EMSY: variants seen among roughly 807,000 people sequenced by gnomAD.
EMSY encodes BRCA2-interacting transcriptional repressor EMSY.
Under a neutral mutation model 134.6 loss-of-function variants are expected in EMSY, and 26 were observed. The observed-to-expected ratio is 0.19, with a 90% CI of 0.14 to 0.27. The LOEUF is 0.27. Ranked by LOEUF, EMSY falls within the 10% of genes least tolerant of loss-of-function variation. The probability of loss-of-function intolerance (pLI) is 1.00; values close to 1 mark genes in which losing one functional copy is unlikely to be tolerated. For missense variants in EMSY, 1,305 were observed against 1,611.4 expected, an observed-to-expected ratio of 0.81 and a Z score of 3.26; for synonymous variants, 579 against 577.8, an observed-to-expected ratio of 1.00 and a Z score of -0.03.
chr11:76,464,985 T>C (rs1948291235), intron 7 of EMSY, among the ~76,000 whole-genome samples: 1 of 152,222 alleles, frequency 6.6e-6, no homozygotes, highest in Non-Finnish European at 1.5e-5. Context: ...CAGATACTGT[T>C]TTTCTCTTTA....
chr11:76,550,168 T>C (rs1951796883), exon 21 of EMSY: 1 of 1,536,602 alleles, frequency 6.5e-7, no homozygotes, highest in African/African-American at 1.4e-5. Context: ...AATAGTGCAC[T>C]TTAAAACCTG....
At chr11:76,454,790 G>C in intron 4 of EMSY, 3 of 1,462,896 alleles carry the variant, frequency 2.1e-6, no homozygotes, top group Non-Finnish European at 2.8e-6. Context: ...CCAAGTTACA[G>C]GTATGCAAAT....
At chr11:76,457,394 G>A (rs902048339) in intron 4 of EMSY, among the ~76,000 whole-genome samples, 17 of 152,156 alleles carry the variant, frequency 1.1e-4, no homozygotes, top group Non-Finnish European at 7.4e-5. Flanking sequence ...ATACAACTAC[G>A]TTTTGATATT....
chr11:76,499,825 G>A (rs1035705441), intron 9 of EMSY, among the ~76,000 whole-genome samples: 8 of 151,950 alleles, frequency 5.3e-5, no homozygotes, highest in African/African-American at 1.9e-4. Context: ...CAGTATACAT[G>A]TGTTGGCCAT....
At chr11:76,525,605 A>G (rs554711837) in intron 12 of EMSY, among the ~76,000 whole-genome samples, 149 of 152,186 alleles carry the variant, frequency 9.8e-4, no homozygotes, top group Non-Finnish European at 1.8e-3. Flanking sequence ...AGTTAAGTTC[A>G]TGTAAAAAGA....
chr11:76,496,105 CTT>C (rs1949643789), intron 8 of EMSY, 108 bp from the exon 10 acceptor site: 1 of 1,222,778 alleles, frequency 8.2e-7, no homozygotes, highest in Non-Finnish European at 1.1e-6. Context: ...ATAAATTGTA[CTT>C]TTTGTTGATT....
At chr11:76,517,503 G>GT (rs1950489502) in intron 11 of EMSY, among the ~76,000 whole-genome samples, 1 of 152,240 alleles carries the variant, frequency 6.6e-6, no homozygotes, top group Admixed American at 6.5e-5. Context: ...TTGGTAGGTA[G>GT]TTTTTTATGA....
At chr11:76,543,929 G>C (rs1262240393) in intron 18 of EMSY, among the ~76,000 whole-genome samples, 1 of 152,168 alleles carries the variant, frequency 6.6e-6, no homozygotes, top group South Asian at 2.1e-4. Flanking sequence ...ATCATGAATA[G>C]GCCAGACGGC....
rs1178064693 is a variant in EMSY at position 76,542,063 on chromosome 11, A to G, written c.2558-153A>G. On this transcript the variant is annotated intron_variant, in intron 17 of 20. Transcript: ENST00000334736. ...AGACTTTCTTAGAGTCACACAGCTC[A>G]TAGATGGGCAGACTGTGGTCTTCTG... is the stretch of plus-strand genomic sequence containing the variant. 4 of 891,436 alleles carry G rather than the reference A, an allele frequency of 4.5e-6. No individual in the cohort carries two copies. In the South Asian group the frequency reaches 5.8e-5, roughly 13 times the overall value. The allele number at this position is 891,436 out of a possible 1,614,324, so 55.2% of individuals were successfully genotyped here. A position where few individuals can be genotyped will look rare whatever the true frequency, so the allele number is the denominator to read the frequency against.
intron 9 of EMSY, among the ~76,000 whole-genome samples, chr11:76,511,524 C>T (rs971488970): frequency 1.3e-5 from 2 of 151,922 alleles, no homozygotes; most frequent in East Asian, 3.9e-4. Flanking sequence ...ATGGTGAAAC[C>T]CTGTCTCTGC....
intron 9 of EMSY, among the ~76,000 whole-genome samples, chr11:76,500,592 T>C (rs1183666926): frequency 6.6e-6 from 1 of 152,192 alleles, no homozygotes; most frequent in Non-Finnish European, 1.5e-5. Context: ...AAAATTCGGA[T>C]TACAGAGTAA....
intron 4 of EMSY, chr11:76,453,894 A>G (rs1252729711): frequency 6.6e-6 from 1 of 152,190 alleles, no homozygotes; most frequent in African/African-American, 2.4e-5. Flanking sequence ...TATTTTTAAA[A>G]AGCCAAAAAA....
intron 9 of EMSY, among the ~76,000 whole-genome samples, chr11:76,501,614 A>T: frequency 6.6e-6 from 1 of 152,158 alleles, no homozygotes; most frequent in East Asian, 1.9e-4. Context: ...TGCAAATCTG[A>T]AAAACGATCA....
chr11:76,541,171 A>T (rs1951425846), intron 17 of EMSY, among the ~76,000 whole-genome samples: 3 of 152,350 alleles, frequency 2.0e-5, no homozygotes, highest in Non-Finnish European at 4.4e-5. Context: ...AGTTGCAGTG[A>T]ACAGAGATTG....
At chr11:76,513,332 G>A in intron 9 of EMSY, 54 bp from the exon 11 acceptor site, 2 of 1,578,892 alleles carry the variant, frequency 1.3e-6, no homozygotes, top group Non-Finnish European at 1.7e-6. Context: ...GTTGGTATAA[G>A]GGACATGTAT....
At chr11:76,548,260 T>C (rs1028523830) in intron 20 of EMSY, among the ~76,000 whole-genome samples, 2 of 152,192 alleles carry the variant, frequency 1.3e-5, no homozygotes, top group Non-Finnish European at 2.9e-5. Flanking sequence ...ATTTGCTGAG[T>C]CTGTAAAGTG....
intron 8 of EMSY, among the ~76,000 whole-genome samples, chr11:76,494,989 G>A (rs1246907147): frequency 2.0e-5 from 3 of 152,216 alleles, no homozygotes; most frequent in Non-Finnish European, 4.4e-5. Flanking sequence ...GCCTGCCTCA[G>A]CCTCCCAAAG....
chr11:76,495,512 G>A (rs1461150745), intron 8 of EMSY, among the ~76,000 whole-genome samples: 1 of 152,158 alleles, frequency 6.6e-6, no homozygotes, highest in Non-Finnish European at 1.5e-5. Flanking sequence ...TTTAGTGAAA[G>A]TTACTAGTAC....
intron 15 of EMSY, 108 bp downstream of exon 16, chr11:76,536,167 A>G (rs978435054): frequency 6.7e-6 from 5 of 740,922 alleles, no homozygotes; most frequent in African/African-American, 1.8e-5. Context: ...TATTATTATT[A>G]TTGCTATTAT....
Sources: allele counts gnomAD v4.1 joint callset (sites outside exome capture counted in the v4.1 genomes callset), GRCh38; gene constraint gnomAD v4.1.1; transcripts MANE v1.5; gene names NCBI Gene and HGNC (gene_info 2026-07-23, HGNC 2026-07-21).